The following FSTL5 variants were observed in gnomAD, a reference collection of about 807,000 sequenced individuals.
The protein encoded by FSTL5 is follistatin like 5, also known as follistatin-related protein 5.
In FSTL5, 62 loss-of-function variants were observed where a neutral mutation model predicts 89.1. That is an observed-to-expected ratio of 0.70 (90% CI 0.57 to 0.86). The LOEUF (loss-of-function observed/expected upper bound fraction) is 0.86. Among genes scored for constraint, FSTL5 ranks in the 40% least tolerant of loss-of-function variants. The probability of loss-of-function intolerance (pLI) is 0.00; values close to 1 mark genes in which losing one functional copy is unlikely to be tolerated. For missense variants in FSTL5, 1,057 were observed against 1,001.6 expected, an observed-to-expected ratio of 1.06 and a Z score of -0.75; for synonymous variants, 383 against 346.2, an observed-to-expected ratio of 1.11 and a Z score of -1.18.
chr4:161,600,230 A>AAAACAGCCAAAAAT (rs1359755433), intron 7 of FSTL5, among the ~76,000 whole-genome samples: 2 of 151,446 alleles, frequency 1.3e-5, no homozygotes, highest in Non-Finnish European at 2.9e-5. Flanking sequence ...GTAGCATCCA[A>AAAACAGCCAAAAAT]AAACAGCCAA....
intron 1 of FSTL5, among the ~76,000 whole-genome samples, chr4:162,135,541 A>G (rs1732490403): frequency 6.6e-6 from 1 of 152,140 alleles, no homozygotes; most frequent in Non-Finnish European, 1.5e-5. Context: ...AATATGGCTT[A>G]TTCCACCTCT....
At chr4:161,770,667 A>G (rs554861961) in intron 5 of FSTL5, among the ~76,000 whole-genome samples, 3 of 152,074 alleles carry the variant, frequency 2.0e-5, no homozygotes, top group South Asian at 4.2e-4. Context: ...TTATTTTTAA[A>G]ACTTAATTTT....
intron 6 of FSTL5, among the ~76,000 whole-genome samples, chr4:161,711,790 G>T (rs1020591953): frequency 6.6e-6 from 1 of 152,096 alleles, no homozygotes; most frequent in African/African-American, 2.4e-5. Context: ...GAAAAAGTGG[G>T]ATTCATCTCA....
intron 6 of FSTL5, among the ~76,000 whole-genome samples, chr4:161,703,037 G>A (rs1486972944): frequency 6.6e-6 from 1 of 152,018 alleles, no homozygotes; most frequent in Non-Finnish European, 1.5e-5. Flanking sequence ...CATAACAAAA[G>A]ACAACAGAGA....
intron 13 of FSTL5, among the ~76,000 whole-genome samples, chr4:161,461,597 T>C (rs1196664010): frequency 6.6e-6 from 1 of 152,054 alleles, no homozygotes; most frequent in Non-Finnish European, 1.5e-5. Flanking sequence ...TTCCCAGACT[T>C]GATGTTATTT....
intron 6 of FSTL5, among the ~76,000 whole-genome samples, chr4:161,747,113 T>C (rs1407662412): frequency 3.3e-5 from 5 of 152,230 alleles, no homozygotes; most frequent in African/African-American, 1.2e-4. Context: ...TCTCATCCAT[T>C]TTTGTATTTG....
intron 6 of FSTL5, among the ~76,000 whole-genome samples, chr4:161,658,068 A>G (rs976923241): frequency 1.9e-4 from 29 of 152,354 alleles, no homozygotes; most frequent in Middle Eastern, 3.4e-3. Flanking sequence ...GTAACCAGTT[A>G]GAAATGGATA....
intron 3 of FSTL5, among the ~76,000 whole-genome samples, chr4:162,008,929 T>C (rs1736685530): frequency 6.6e-6 from 1 of 151,986 alleles, no homozygotes; most frequent in Admixed American, 6.6e-5. Flanking sequence ...TTAGCTTATA[T>C]ACAGATACTT....
chr4:161,920,789 G>T, intron 3 of FSTL5, 137 bp from the exon 4 acceptor site: 1 of 739,606 alleles, frequency 1.4e-6, no homozygotes, highest in Non-Finnish European at 2.1e-6. Flanking sequence ...TTTCAGTGGT[G>T]GACATGCTTA....
chr4:161,652,045 A>G (rs906489541), intron 7 of FSTL5, among the ~76,000 whole-genome samples: 2 of 152,160 alleles, frequency 1.3e-5, no homozygotes, highest in Non-Finnish European at 1.5e-5. Flanking sequence ...ACAGTGGTTA[A>G]ACTCCTGCTC....
chr4:162,139,947 C>T (rs1732662024), intron 1 of FSTL5, among the ~76,000 whole-genome samples: 1 of 152,162 alleles, frequency 6.6e-6, no homozygotes, highest in East Asian at 1.9e-4. Context: ...GATCAAAAAG[C>T]TCCATGAAGA....
chr4:162,036,554 T>C (rs1472879577), intron 2 of FSTL5, among the ~76,000 whole-genome samples: 1 of 152,062 alleles, frequency 6.6e-6, no homozygotes, highest in African/African-American at 2.4e-5. Context: ...TATCACTCTA[T>C]AAATTAGAAC....
At chr4:161,710,661 T>C (rs1738747612) in intron 6 of FSTL5, among the ~76,000 whole-genome samples, 4 of 152,208 alleles carry the variant, frequency 2.6e-5, no homozygotes, top group South Asian at 4.1e-4. Flanking sequence ...TTTCTTCCAA[T>C]TGTGCAAAAG....
chr4:161,743,819 G>T (rs1416709245), intron 6 of FSTL5, among the ~76,000 whole-genome samples: 2 of 152,130 alleles, frequency 1.3e-5, no homozygotes, highest in African/African-American at 4.8e-5. Flanking sequence ...ATCATTTTAA[G>T]CTGAGAGATG....
chr4:162,023,174 G>A (rs1193605577), intron 3 of FSTL5, among the ~76,000 whole-genome samples: 1 of 152,050 alleles, frequency 6.6e-6, no homozygotes, highest in African/African-American at 2.4e-5. Flanking sequence ...CCGGAAAACA[G>A]GGACTATCGT....
At chr4:161,511,229 T>C (rs1425872994) in intron 10 of FSTL5, among the ~76,000 whole-genome samples, 1 of 152,160 alleles carries the variant, frequency 6.6e-6, no homozygotes, top group African/African-American at 2.4e-5. Flanking sequence ...TCCAGTATTT[T>C]GACCATATTA....
chr4:162,139,454 CCACACACA>C lies in FSTL5; in HGVS notation c.-17+24153_-17+24160del, dbSNP rs140005000. ...ATATCATGAAAGTATACACACACGC[CCACACACA>C]CACACACACAAACACACACATACAC... On this transcript the variant is annotated intron_variant, in intron 1 of 15. Transcript: ENST00000306100. Among the ~76,000 whole-genome samples, 16 of 149,804 alleles carry C rather than the reference CCACACACA, an allele frequency of 1.1e-4. No individual in the cohort carries two copies. In the South Asian group the frequency reaches 3.4e-3, roughly 32 times the overall value.
At chr4:161,838,930 TTAAA>T (rs1381913862) in intron 4 of FSTL5, among the ~76,000 whole-genome samples, 6 of 151,474 alleles carry the variant, frequency 4.0e-5, no homozygotes, top group Non-Finnish European at 8.8e-5. Context: ...ATAGAAAGAC[TTAAA>T]TAATTATAAA....
At chr4:161,605,468 C>T (rs563499134) in intron 7 of FSTL5, among the ~76,000 whole-genome samples, 31 of 152,218 alleles carry the variant, frequency 2.0e-4, no homozygotes, top group Non-Finnish European at 2.4e-4. Context: ...AGTTAACACT[C>T]GCAAGCTTTC....
Sources: gnomAD v4.1 joint callset for allele counts (sites outside exome capture counted in the v4.1 genomes callset) on GRCh38, gnomAD v4.1.1 for gene constraint, MANE v1.5 for transcripts, NCBI Gene and HGNC (gene_info 2026-07-23, HGNC 2026-07-21) for gene names.